Variants in DMD observed in about 807,000 individuals in gnomAD.
DMD encodes mutant dystrophin.
In DMD, 63 loss-of-function variants were observed where a neutral mutation model predicts 330.1. The observed-to-expected ratio is 0.19, with a 90% CI of 0.16 to 0.24. The LOEUF (loss-of-function observed/expected upper bound fraction) is 0.24, where lower values mean the gene tolerates loss of function less well. DMD is among the 10% of genes least tolerant of loss of function. The probability of loss-of-function intolerance (pLI) is 1.00; values close to 1 mark genes in which losing one functional copy is unlikely to be tolerated. For missense variants in DMD, 3,344 were observed against 2,684.1 expected (o/e 1.25, Z -5.43); for synonymous variants, 1,223 against 959.8 (o/e 1.27, Z -5.07).
intron 1 of DMD, among the ~76,000 whole-genome samples, chrX:33,240,114 G>A (rs190005424): frequency 2.0e-3 from 225 of 110,980 alleles, no homozygotes; most frequent in African/African-American, 7.0e-3. Flanking sequence ...TACTCAATCC[G>A]TATCATCATT....
At chrX:32,145,184 A>T (rs1028132864) in intron 44 of DMD, among the ~76,000 whole-genome samples, 1 of 112,670 alleles carries the variant, frequency 8.9e-6, no homozygotes, top group Admixed American at 9.4e-5. Flanking sequence ...CCCATGACAC[A>T]TGTATGTAAG....
intron 44 of DMD, chrX:32,151,252 C>T (rs1038822268): frequency 8.9e-6 from 1 of 111,935 alleles, no homozygotes; most frequent in Non-Finnish European, 1.9e-5. Flanking sequence ...TTCTCATGCT[C>T]TCAAACTAAG....
chrX:32,557,544 A>G (rs808586), intron 16 of DMD, among the ~76,000 whole-genome samples: 20,252 of 110,906 alleles, frequency 0.18, 1,708 homozygotes, highest in East Asian at 0.43. Flanking sequence ...GGAGTGATCA[A>G]TAAGTTTTAA....
chrX:32,116,866 T>C (rs2096612973), intron 44 of DMD, among the ~76,000 whole-genome samples: 1 of 112,095 alleles, frequency 8.9e-6, no homozygotes, highest in African/African-American at 3.2e-5. Flanking sequence ...TTCAAAACCC[T>C]TGTTAAAATA....
intron 2 of DMD, among the ~76,000 whole-genome samples, chrX:32,857,469 C>T (rs751333276): frequency 1.8e-5 from 2 of 111,224 alleles, no homozygotes; most frequent in South Asian, 7.5e-4. Flanking sequence ...TGTTTTTTTC[C>T]CTCCTTTGGC....
chrX:31,852,013 A>G (rs2093535632), intron 48 of DMD, among the ~76,000 whole-genome samples: 1 of 110,794 alleles, frequency 9.0e-6, no homozygotes, highest in South Asian at 3.9e-4. Flanking sequence ...TAAAAAAAAA[A>G]GGACACCAGG....
At chrX:32,453,353 G>A (rs1271538625) in intron 26 of DMD, among the ~76,000 whole-genome samples, 5 of 110,126 alleles carry the variant, frequency 4.5e-5, no homozygotes, top group Non-Finnish European at 7.6e-5. Context: ...TAATACTCTA[G>A]AAATGATTAT....
intron 1 of DMD, among the ~76,000 whole-genome samples, chrX:33,240,569 G>C (rs187390774): frequency 1.8e-5 from 2 of 111,616 alleles, no homozygotes; most frequent in Non-Finnish European, 3.8e-5. Flanking sequence ...ATTTCCTTTC[G>C]GTATATAGCC....
At position 32,254,511 on chromosome X, in the gene DMD, G is replaced by GTAAC. The variant is rs758680705; in HGVS notation, c.6290+33014_6290+33017dup. Among the ~76,000 whole-genome samples the GTAAC allele has an allele frequency of 1.2e-3, 137 of 112,252 alleles. 1 individual carries two copies. The highest frequency in any genetic ancestry group is 4.3e-3 in the African/African-American group (132 of 30,959). ...AAACAATGAATCAAGTAACGAAAAT[G>GTAAC]TAACTGTCATTCTAAAGAAGTTCAC... On this transcript the variant is annotated intron_variant, in intron 43 of 78. Transcript: ENST00000357033.
intron 1 of DMD, among the ~76,000 whole-genome samples, chrX:33,189,853 A>G (rs1012549298): frequency 8.9e-6 from 1 of 111,832 alleles, no homozygotes; most frequent in African/African-American, 3.2e-5. Flanking sequence ...AATGAATGAA[A>G]TTTCCCTGTC....
intron 2 of DMD, among the ~76,000 whole-genome samples, chrX:32,934,788 C>A (rs1242268160): frequency 8.9e-6 from 1 of 112,336 alleles, no homozygotes; most frequent in African/African-American, 3.2e-5. Context: ...CCTCCATTTA[C>A]CCAGGATTAA....
intron 45 of DMD, among the ~76,000 whole-genome samples, chrX:31,943,207 T>A (rs1272022633): frequency 8.9e-6 from 1 of 112,508 alleles, no homozygotes; most frequent in Non-Finnish European, 1.9e-5. Context: ...TACTCAAGTT[T>A]ACCACCATCT....
chrX:32,427,511 C>T (rs1431430551), intron 29 of DMD, among the ~76,000 whole-genome samples: 1 of 110,999 alleles, frequency 9.0e-6, no homozygotes, highest in African/African-American at 3.3e-5. Flanking sequence ...CTGTTTCATA[C>T]ACACTTGGAT....
At chrX:31,635,986 T>C (rs1260632255) in intron 54 of DMD, among the ~76,000 whole-genome samples, 1 of 111,956 alleles carries the variant, frequency 8.9e-6, no homozygotes, top group Non-Finnish European at 1.9e-5. Flanking sequence ...TATAAACTGT[T>C]GGTTATAGTG....
chrX:31,172,416 G>A lies in DMD; in HGVS notation c.10329-3C>T. 1 of 1,183,578 alleles carries A rather than the reference G, an allele frequency of 8.4e-7. No individual in the cohort carries two copies. The highest frequency in any genetic ancestry group is 1.1e-6 in the Non-Finnish European group (1 of 870,833). ...TGCTGTTTTCCATTTCTGCTAGCCT[G>A]ATAAAAAACGTAAAAGCTCATTAAA... On this transcript the variant is annotated splice_region_variant and splice_polypyrimidine_tract_variant and intron_variant, in intron 72 of 78. Coordinates refer to ENST00000357033, the MANE Select transcript of DMD (RefSeq NM_004006.3).
intron 44 of DMD, among the ~76,000 whole-genome samples, chrX:32,093,857 A>C (rs1431697058): frequency 9.0e-6 from 1 of 111,055 alleles, no homozygotes; most frequent in Non-Finnish European, 1.9e-5. Context: ...AAACCCTCAG[A>C]TAGTTCAACT....
At chrX:32,824,068 C>T (rs773692918) in intron 4 of DMD, among the ~76,000 whole-genome samples, 9 of 111,827 alleles carry the variant, frequency 8.0e-5, no homozygotes, top group Non-Finnish European at 1.7e-4. Flanking sequence ...TATCACTGCA[C>T]ATTTATCATA....
At chrX:31,580,874 A>C (rs1469592089) in intron 55 of DMD, among the ~76,000 whole-genome samples, 1 of 111,800 alleles carries the variant, frequency 8.9e-6, no homozygotes, top group African/African-American at 3.3e-5. Flanking sequence ...TCTTCTTCAC[A>C]GATCATCTGC....
intron 74 of DMD, among the ~76,000 whole-genome samples, chrX:31,147,906 T>C (rs1160448299): frequency 1.8e-5 from 2 of 112,198 alleles, no homozygotes; most frequent in African/African-American, 3.2e-5. Flanking sequence ...TTTGGTTTGC[T>C]CTAAACATTA....
Sources: gnomAD v4.1 joint callset for allele counts (sites outside exome capture counted in the v4.1 genomes callset) on GRCh38, gnomAD v4.1.1 for gene constraint, MANE v1.5 for transcripts, NCBI Gene and HGNC (gene_info 2026-07-23, HGNC 2026-07-21) for gene names.